The following RP1 variants were observed in gnomAD, a reference collection of about 807,000 sequenced individuals.
RP1 encodes oxygen-regulated protein 1.
Under a neutral mutation model 14.8 loss-of-function variants are expected in RP1, and 16 were observed. The ratio of observed to expected loss-of-function variants is 1.08; its 90% CI spans 0.73 to 1.65. The LOEUF is 1.65. Ranked by LOEUF, RP1 falls within the 40% of genes most tolerant of loss-of-function variation. The pLI is 0.00. For synonymous variants in RP1, 876 were observed against 883.6 expected, an observed-to-expected ratio of 0.99 and a Z score of 0.15; for missense variants, 2,631 against 2,535.0, an observed-to-expected ratio of 1.04 and a Z score of -0.81.
intron 23 of RP1, among the ~76,000 whole-genome samples, chr8:54,779,637 G>A (rs781635349): frequency 1.3e-5 from 2 of 152,170 alleles, no homozygotes; most frequent in Non-Finnish European, 2.9e-5. Flanking sequence ...ACTAGCTGTA[G>A]CAACTTTGCT....
At chr8:54,849,162 G>A (rs1041352990) in intron 25 of RP1, among the ~76,000 whole-genome samples, 1 of 152,090 alleles carries the variant, frequency 6.6e-6, no homozygotes, top group Non-Finnish European at 1.5e-5. Context: ...GCAGGCAGAA[G>A]TTAGGGAATG....
At chr8:54,619,796 A>G (rs1585556523) in intron 1 of RP1, among the ~76,000 whole-genome samples, 1 of 152,152 alleles carries the variant, frequency 6.6e-6, no homozygotes, top group African/African-American at 2.4e-5. Flanking sequence ...ATTTGCCTGC[A>G]TTTTCTCTAA....
chr8:54,828,664 C>T (rs1811443521), intron 24 of RP1, among the ~76,000 whole-genome samples: 1 of 152,020 alleles, frequency 6.6e-6, no homozygotes. Context: ...CAGACTATGA[C>T]ATTATCATTA....
chr8:54,692,957 C>T (rs1807752088), intron 12 of RP1, among the ~76,000 whole-genome samples: 1 of 152,106 alleles, frequency 6.6e-6, no homozygotes, highest in South Asian at 2.1e-4. Context: ...TTAGGTCTAA[C>T]ATTTACGTCT....
At chr8:54,745,822 AG>A in intron 19 of RP1, among the ~76,000 whole-genome samples, 1 of 152,224 alleles carries the variant, frequency 6.6e-6, no homozygotes. Flanking sequence ...GCTTAATATC[AG>A]TGCACTTTTT....
At chr8:54,773,544 G>A (rs1041663557), downstream of RP1, among the ~76,000 whole-genome samples, 2 of 152,114 alleles carry the variant, frequency 1.3e-5, no homozygotes, top group African/African-American at 4.8e-5. Context: ...AGCTGAGGCA[G>A]GATAATTGCT....
At chr8:54,610,010 C>A (rs779111112) in intron 1 of RP1, among the ~76,000 whole-genome samples, 28 of 152,130 alleles carry the variant, frequency 1.8e-4, no homozygotes, top group Non-Finnish European at 3.4e-4. Flanking sequence ...AGAAAACTAG[C>A]AAAAAATTTA....
chr8:54,561,624 T>C, intron 1 of RP1: 1 of 152,138 alleles, frequency 6.6e-6, no homozygotes, highest in East Asian at 1.9e-4. Flanking sequence ...GGTCAGCTTG[T>C]AAAAAAGTGA....
chr8:54,779,556 C>A (rs1265198375), intron 23 of RP1, among the ~76,000 whole-genome samples: 1 of 152,070 alleles, frequency 6.6e-6, no homozygotes, highest in African/African-American at 2.4e-5. Context: ...ATGCATGTAA[C>A]CCTGTAACAG....
chr8:54,654,371 GT>G (rs2129326791), intron 5 of RP1, among the ~76,000 whole-genome samples: 1 of 152,166 alleles, frequency 6.6e-6, no homozygotes, highest in Non-Finnish European at 1.5e-5. Flanking sequence ...TTTTTTTCAA[GT>G]TTAGTTAGGG....
chr8:54,841,668 C>A (rs1563392956), intron 25 of RP1, among the ~76,000 whole-genome samples: 1 of 152,140 alleles, frequency 6.6e-6, no homozygotes, highest in Non-Finnish European at 1.5e-5. Flanking sequence ...TCACCATCCG[C>A]GGTGTTGGTT....
intron 24 of RP1, among the ~76,000 whole-genome samples, chr8:54,828,472 T>A (rs7008698): frequency 5.1e-4 from 77 of 152,060 alleles, no homozygotes; most frequent in African/African-American, 1.8e-3. Flanking sequence ...GCTTCTTTTC[T>A]TACCATGTGA....
In RP1 at chr8:54,625,292, A is replaced by G. The variant is rs1806002701; in HGVS notation, c.1410A>G (p.Val470=). The G allele has an allele frequency of 6.2e-7, 1 of 1,614,096 alleles. No homozygotes were observed. The highest frequency in any genetic ancestry group is 1.3e-5 in the African/African-American group (1 of 74,942). ...KKSVIGSVTL[V]SETEVQEKMI... is the part of the protein sequence containing the mutation. ...CTGTGATTGGCAGTGTGACCTTAGT[A>G]TCTGAAACTGAGGTTCAAGAGAAAA... The change falls in exon 4 of 4, where the codon GTA becomes GTG. Residue 470 remains valine (V), a synonymous_variant. Coordinates refer to ENST00000220676, the MANE Select transcript of RP1 (RefSeq NM_006269.2).
At chr8:54,583,277 G>T (rs1328695646) in intron 1 of RP1, among the ~76,000 whole-genome samples, 1 of 152,118 alleles carries the variant, frequency 6.6e-6, no homozygotes, top group African/African-American at 2.4e-5. Flanking sequence ...TTTGTCGTTG[G>T]TTCTGTTTAT....
intron 19 of RP1, among the ~76,000 whole-genome samples, chr8:54,743,795 T>C (rs1470659741): frequency 6.6e-6 from 1 of 152,186 alleles, no homozygotes; most frequent in Non-Finnish European, 1.5e-5. Flanking sequence ...CACCAGTATT[T>C]ACGTGAGCAA....
chr8:54,768,635 C>T (rs781288648), intron 22 of RP1, among the ~76,000 whole-genome samples: 6 of 152,136 alleles, frequency 3.9e-5, no homozygotes, highest in Admixed American at 6.6e-5. Flanking sequence ...TGCTTGTACA[C>T]GACTTTTCAT....
intron 12 of RP1, among the ~76,000 whole-genome samples, chr8:54,695,488 A>G (rs1368160659): frequency 6.6e-6 from 1 of 152,096 alleles, no homozygotes; most frequent in African/African-American, 2.4e-5. Flanking sequence ...ACTGAAAAAA[A>G]TAAGATAATA....
chr8:54,606,040 C>G (rs1350627493), intron 1 of RP1, among the ~76,000 whole-genome samples: 2 of 151,910 alleles, frequency 1.3e-5, no homozygotes, highest in Non-Finnish European at 2.9e-5. Context: ...TAGCCCATTT[C>G]CATTTAAGGT....
Position 54,627,926 on chromosome 8 carries a change from A to G in RP1, c.4044A>G (p.Lys1348=). 2 of 1,614,172 alleles carry G rather than the reference A, an allele frequency of 1.2e-6. No homozygotes were observed. Among genetic ancestry groups the G allele is most frequent in the African/African-American group, 1.3e-5 (1 of 75,070 alleles). ...VCNTIDFLNS[K]ENTYTDNLDS... is the part of the protein sequence containing the mutation. ...ATACCATTGACTTTTTAAACTCCAAAGAAAACACATATACTGATAACTTGG... is the reference window on the plus strand; with the variant it reads ...ATACCATTGACTTTTTAAACTCCAAGGAAAACACATATACTGATAACTTGG... The change falls in exon 4 of 4, where the codon AAA becomes AAG. Residue 1348 remains lysine (K), a synonymous_variant. Coordinates refer to ENST00000220676, the MANE Select transcript of RP1 (RefSeq NM_006269.2).
Sources: gnomAD v4.1 joint callset for allele counts (sites outside exome capture counted in the v4.1 genomes callset) on GRCh38, gnomAD v4.1.1 for gene constraint, MANE v1.5 for transcripts, NCBI Gene and HGNC (gene_info 2026-07-23, HGNC 2026-07-21) for gene names.